Variants in TTLL4 observed in about 807,000 individuals in gnomAD.
TTLL4 encodes tubulin monoglutamylase TTLL4.
In TTLL4, 85 loss-of-function variants were observed where a neutral mutation model predicts 122.7. The ratio of observed to expected loss-of-function variants is 0.69; its 90% confidence interval spans 0.58 to 0.83. The LOEUF (loss-of-function observed/expected upper bound fraction) is 0.83. TTLL4 is among the 40% of genes least tolerant of loss of function. The probability of loss-of-function intolerance (pLI) is 0.00; values close to 1 mark genes in which losing one functional copy is unlikely to be tolerated. For synonymous variants in TTLL4, 553 were observed against 563.0 expected (o/e 0.98, Z 0.25); for missense variants, 1,363 against 1,488.6 (o/e 0.92, Z 1.39).
chr2:218,721,260 A>G (rs1942032296), intron 1 of TTLL4, among the ~76,000 whole-genome samples: 1 of 147,542 alleles, frequency 6.8e-6, no homozygotes, highest in South Asian at 2.1e-4. Flanking sequence ...TTAATTAATT[A>G]AGAGGTGGGG....
intron 2 of TTLL4, among the ~76,000 whole-genome samples, chr2:218,728,524 A>G (rs1942260931): frequency 6.6e-6 from 1 of 152,220 alleles, no homozygotes; most frequent in African/African-American, 2.4e-5. Context: ...CCCAATGCTC[A>G]GCTCCTGCTG....
chr2:218,720,988 A>G (rs1942019440), intron 1 of TTLL4, among the ~76,000 whole-genome samples: 2 of 152,178 alleles, frequency 1.3e-5, no homozygotes, highest in South Asian at 2.1e-4. Context: ...ATAAAAACCC[A>G]AAAGGACAGG....
chr2:218,745,203 A>C lies in TTLL4; in HGVS notation c.1756A>C (p.Thr586Pro), dbSNP rs747441048. 1 of 1,613,788 alleles carries C rather than the reference A, an allele frequency of 6.2e-7. No homozygotes were observed. Among genetic ancestry groups the C allele is most frequent in the Non-Finnish European group, 8.5e-7 (1 of 1,179,898 alleles). ...IYSLFPNVPP[T>P]IYFGTRDERV... ...CAGTCTCTTTCCCAACGTTCCCCCT[A>C]CCATCTATTTTGGCACTCGGGATGA... The change falls in exon 6 of 20, where the codon ACC (threonine) becomes CCC (proline). Residue 586 changes from threonine to proline, a missense_variant. Thr to Pro is a conservative substitution (Grantham distance 38, BLOSUM62 -1). This residue lies in a region of TTLL4 where 760 missense variants were observed against 808.4 expected (regional missense o/e 0.94). Transcript: ENST00000392102.
rs557920337 is a variant in TTLL4, at chr2:218,752,776, C to T, written c.2990C>T (p.Ser997Phe). ...QKIPDQDFYA[S>F]VLDVLTPDDV... ...CTTGGACCACAGGACTTCTATGCAT[C>T]TGTGCTGGATGTCCTGACACCAGAT... is the stretch of plus-strand genomic sequence containing the variant. The change falls in exon 17 of 20, where the codon TCT becomes TTT. Residue 997 changes from serine (S) to phenylalanine (F), a missense_variant. By Grantham distance (155) the Ser-to-Phe change is radical. Coordinates refer to ENST00000392102, the MANE Select transcript of TTLL4 (RefSeq NM_014640.5). The T allele has an allele frequency of 9.3e-6, 15 of 1,614,202 alleles. No individual in the cohort carries two copies. In the South Asian group the frequency reaches 1.5e-4, roughly 17 times the overall value.
At position 218,753,678 on chromosome 2, in the gene TTLL4, T is replaced by G. The variant is rs538944509; in HGVS notation, c.3344+9T>G. The G allele has an allele frequency of 8.7e-5, 140 of 1,613,938 alleles. No homozygotes were observed. The highest frequency in any genetic ancestry group is 1.1e-4 in the Non-Finnish European group (129 of 1,180,002). On this transcript the variant is annotated intron_variant, in intron 19 of 19. Coordinates refer to ENST00000392102, the MANE Select transcript of TTLL4 (RefSeq NM_014640.5). ...GAGACTAGCAAGCTGGGGTGAGTGC[T>G]GCCTGGGCAAGGGAGGGGCTGCTGG...
rs917968747 is a variant in TTLL4, at chr2:218,754,467, A to T, written c.*78A>T. ...CGGGAACCAGCCTGCTGTTCAGACC[A>T]GTCTGACCCCCTACCCCTTTCACCC... On this transcript the variant is annotated 3_prime_UTR_variant, in exon 20 of 20. Transcript: ENST00000392102. 1.0e-5 allele frequency: 16 copies of T among 1,563,366 alleles called. No individual in the cohort carries two copies. Among genetic ancestry groups the T allele is most frequent in the Middle Eastern group, 2.3e-4 (1 of 4,380 alleles).
intron 14 of TTLL4, 66 bp from the exon 15 acceptor site, chr2:218,749,943 T>C: frequency 6.3e-7 from 1 of 1,580,208 alleles, no homozygotes; most frequent in East Asian, 2.2e-5. Context: ...AGCCCTGAGT[T>C]GCACATATGA....
chr2:218,730,368 T>C (rs1426282972), intron 2 of TTLL4, among the ~76,000 whole-genome samples: 3 of 127,158 alleles, frequency 2.4e-5, no homozygotes, highest in African/African-American at 8.7e-5. Flanking sequence ...ATTAGCTGGG[T>C]GTGGTGGCGC....
In TTLL4 at chr2:218,745,940, G is replaced by A. The variant is rs1046300775; in HGVS notation, c.1897+139G>A. 4 of 884,014 alleles carry A rather than the reference G, an allele frequency of 4.5e-6. No homozygotes were observed. The African/African-American group carries it at 5.0e-5, about 11-fold the overall frequency. 54.8% of individuals were successfully genotyped at this position (884,014 alleles called of 1,614,324 possible). A position where few individuals can be genotyped will look rare whatever the true frequency, so the allele number is the denominator to read the frequency against. On this transcript the variant is annotated intron_variant, in intron 7 of 19. Transcript: ENST00000392102. ...CTGAAATCCAACCTCATAGGAGGGT[G>A]TAGCTCTGAAATCCTGGACTGAGCC...
Position 218,747,874 on chromosome 2 carries a change from G to A in TTLL4, c.2378+149G>A, listed in dbSNP as rs1375849633. The A allele has an allele frequency of 9.5e-6, 12 of 1,259,130 alleles. No homozygotes were observed. In the South Asian group the frequency reaches 1.4e-4, roughly 15 times the overall value. 78.0% of individuals were successfully genotyped at this position (1,259,130 alleles called of 1,614,324 possible). On this transcript the variant is annotated intron_variant, in intron 11 of 19. Transcript: ENST00000392102. This position sits in a 1 kb window ranked among gnomAD's most constrained non-coding sequence, Gnocchi z 4.7. ...GGGAAATATGGAGGCTCTCTACTTC[G>A]TTAAATCTGGGGAGGGTCTTCCTGC...
downstream of TTLL4, among the ~76,000 whole-genome samples, chr2:218,757,775 A>G (rs970149535): frequency 6.6e-6 from 1 of 152,122 alleles, no homozygotes; most frequent in African/African-American, 2.4e-5. Context: ...TCTGGACACA[A>G]AGACCTTTCT....
At chr2:218,727,580 A>G (rs1199602611) in intron 2 of TTLL4, among the ~76,000 whole-genome samples, 1 of 152,054 alleles carries the variant, frequency 6.6e-6, no homozygotes, top group East Asian at 1.9e-4. Context: ...TGCTAAAAAT[A>G]AAAAAATTAG....
At chr2:218,741,742 A>G (rs1006101027) in intron 5 of TTLL4, among the ~76,000 whole-genome samples, 1 of 152,192 alleles carries the variant, frequency 6.6e-6, no homozygotes, top group Non-Finnish European at 1.5e-5. Context: ...TCATAGGAGA[A>G]AGATATTTGA....
intron 1 of TTLL4, among the ~76,000 whole-genome samples, chr2:218,721,790 TAGAC>T (rs74995427): frequency 0.018 from 2,776 of 152,216 alleles, 44 homozygotes; most frequent in Middle Eastern, 0.061. Flanking sequence ...TTCTGGAAGA[TAGAC>T]AGATAGCAAA....
intron 16 of TTLL4, among the ~76,000 whole-genome samples, chr2:218,752,177 G>C (rs1183687584): frequency 1.3e-5 from 2 of 152,118 alleles, no homozygotes; most frequent in Non-Finnish European, 2.9e-5. Flanking sequence ...CGAAGTGCTG[G>C]GATTACAGGC....
At chr2:218,741,047 T>A (rs1204159847) in intron 5 of TTLL4, among the ~76,000 whole-genome samples, 1 of 151,976 alleles carries the variant, frequency 6.6e-6, no homozygotes, top group African/African-American at 2.4e-5. Flanking sequence ...CACTCCAGCC[T>A]GGGTGATGGA....
At chr2:218,749,131 A>C in intron 13 of TTLL4, 122 bp from the exon 14 acceptor site, 2 of 1,432,886 alleles carry the variant, frequency 1.4e-6, no homozygotes, top group Non-Finnish European at 1.9e-6. Context: ...GTGTCACTTG[A>C]GAGCTACCTT....
chr2:218,751,737 G>A lies in TTLL4; in HGVS notation c.2907G>A (p.Met969Ile). The change falls in exon 16 of 20, where the codon ATG becomes ATA. Residue 969 changes from methionine (M) to isoleucine (I), a missense_variant. By Grantham distance (10) the Met-to-Ile change is conservative. Transcript: ENST00000392102. ...LPTSPGDKCR[M>I]APEHVTAQKM... ...CCTCCCCTGGGGACAAATGTCGAAT[G>A]GCTCCAGAGCATGTCACTGCACAGA... 2 of 1,613,384 alleles carry A rather than the reference G, an allele frequency of 1.2e-6. No individual in the cohort carries two copies. Among genetic ancestry groups the A allele is most frequent in the East Asian group, 4.5e-5 (2 of 44,850 alleles).
At chr2:218,730,335 A>C (rs1338912665) in intron 2 of TTLL4, among the ~76,000 whole-genome samples, 4 of 144,638 alleles carry the variant, frequency 2.8e-5, no homozygotes, top group African/African-American at 7.7e-5. Flanking sequence ...AAAAAAAAAA[A>C]AAAAAAAAAA....
Sources: allele counts gnomAD v4.1 joint callset (sites outside exome capture counted in the v4.1 genomes callset), GRCh38; gene constraint gnomAD v4.1.1; regional missense constraint gnomAD v4.1.1; non-coding constraint Gnocchi (gnomAD v3.1); transcripts MANE v1.5; gene names NCBI Gene and HGNC (gene_info 2026-07-23, HGNC 2026-07-21).